The following KAT14 variants were observed in gnomAD, a reference collection of about 807,000 sequenced individuals.
The protein encoded by KAT14 is lysine acetyltransferase 14, also known as cysteine-rich protein 2-binding protein.
In KAT14, 66 loss-of-function variants were observed where a neutral mutation model predicts 78.4. The observed-to-expected ratio is 0.84, with a 90% CI of 0.69 to 1.03. The LOEUF is 1.03. Ranked by LOEUF, KAT14 falls within the 50% of genes least tolerant of loss-of-function variation. The probability of loss-of-function intolerance (pLI) is 0.00; values close to 1 mark genes in which losing one functional copy is unlikely to be tolerated. For missense variants in KAT14, 870 were observed against 972.5 expected (o/e 0.89, Z 1.40); for synonymous variants, 344 against 359.4 (o/e 0.96, Z 0.48).
intron 1 of KAT14, chr20:18,138,257 G>A: frequency 1.6e-6 from 2 of 1,234,564 alleles, no homozygotes; most frequent in Non-Finnish European, 2.0e-6. Flanking sequence ...GGCGTGTGCA[G>A]CCCGCAGATT....
chr20:18,168,539 A>AT (rs1313903323), intron 7 of KAT14, among the ~76,000 whole-genome samples: 6 of 151,720 alleles, frequency 4.0e-5, no homozygotes, highest in East Asian at 3.9e-4. Context: ...AAAAAAAAAA[A>AT]TTTTTTTTGT....
rs2038452721 is a variant in KAT14 at position 18,162,164 on chromosome 20, C to T, written c.1024C>T (p.His342Tyr). Reference protein sequence around the residue: ...DFSAPGTPASHSATPSLLSEA... With the variant: ...DFSAPGTPASYSATPSLLSEA... ...CTCTGCCCCTGGTACACCTGCCTCT[C>T]ATTCTGCCACACCTAGCTTGCTTTC... is the stretch of plus-strand genomic sequence containing the variant. The change falls in exon 6 of 11, where the codon CAT becomes TAT. Residue 342 changes from histidine to tyrosine, a missense_variant. Transcript: ENST00000688188. 6.2e-7 allele frequency: 1 copy of T among 1,614,136 alleles called. No individual in the cohort carries two copies. The highest frequency in any genetic ancestry group is 8.5e-7 in the Non-Finnish European group (1 of 1,180,062).
At chr20:18,181,395 G>GTC (rs1432456151) in intron 7 of KAT14, among the ~76,000 whole-genome samples, 1 of 131,208 alleles carries the variant, frequency 7.6e-6, no homozygotes, top group Non-Finnish European at 1.6e-5. Context: ...TTGAGACGGA[G>GTC]TCTCGCTCTA....
chr20:18,164,991 AT>A (rs1386420625), intron 7 of KAT14, among the ~76,000 whole-genome samples: 1 of 152,068 alleles, frequency 6.6e-6, no homozygotes. Context: ...AATTTTTTAA[AT>A]TGTAAGATGT....
intron 7 of KAT14, among the ~76,000 whole-genome samples, chr20:18,174,220 A>T (rs1412204276): frequency 6.6e-6 from 1 of 152,176 alleles, no homozygotes; most frequent in African/African-American, 2.4e-5. Context: ...TCATCAGTTG[A>T]TGGACTTTTG....
intron 2 of KAT14, among the ~76,000 whole-genome samples, chr20:18,144,143 A>G (rs2037726441): frequency 6.6e-6 from 1 of 152,262 alleles, no homozygotes; most frequent in Non-Finnish European, 1.5e-5. Flanking sequence ...TGGCATGTGG[A>G]AATGTTTTTC....
Position 18,137,994 on chromosome 20 carries a change from G to T in KAT14, c.-511G>T. 1 of 1,507,356 alleles carries T rather than the reference G, an allele frequency of 6.6e-7. No homozygotes were observed. Among genetic ancestry groups the T allele is most frequent in the East Asian group, 2.7e-5 (1 of 37,090 alleles). 93.4% of individuals were successfully genotyped at this position (1,507,356 alleles called of 1,614,324 possible). ...CGAAGGTGGTGCTGGGCCTCTCGGT[G>T]CTGCTGACGGCGGCCACAGTGGCCG... On this transcript the variant is annotated 5_prime_UTR_variant, in exon 1 of 11. Transcript: ENST00000688188.
intron 8 of KAT14, 117 bp from the exon 9 acceptor site, chr20:18,183,006 A>G: frequency 7.3e-7 from 1 of 1,375,346 alleles, no homozygotes; most frequent in Non-Finnish European, 9.7e-7. Flanking sequence ...CGTGTAAAAC[A>G]GTGCAGGTTA....
chr20:18,183,355 A>C, intron 9 of KAT14, 57 bp downstream of exon 9: 12 of 1,493,348 alleles, frequency 8.0e-6, no homozygotes, highest in Non-Finnish European at 8.0e-6. Context: ...CATTCTAGCA[A>C]TTTTTAAAAT....
At chr20:18,139,270 C>T (rs1011024175) in intron 1 of KAT14, among the ~76,000 whole-genome samples, 1 of 152,166 alleles carries the variant, frequency 6.6e-6, no homozygotes, top group Admixed American at 6.5e-5. Context: ...AGGCAGAAGA[C>T]TTCCGCCTCT....
chr20:18,156,340 A>G (rs1332238586), intron 4 of KAT14, among the ~76,000 whole-genome samples: 1 of 152,218 alleles, frequency 6.6e-6, no homozygotes, highest in Non-Finnish European at 1.5e-5. Context: ...ATATAAATGT[A>G]CTTAATACCA....
At chr20:18,155,215 C>T (rs1460023356) in intron 4 of KAT14, among the ~76,000 whole-genome samples, 3 of 152,126 alleles carry the variant, frequency 2.0e-5, no homozygotes, top group African/African-American at 4.8e-5. Flanking sequence ...AAAATTGTAA[C>T]CATTTCTCAT....
At chr20:18,148,554 T>C (rs1401712137) in intron 3 of KAT14, among the ~76,000 whole-genome samples, 1 of 152,128 alleles carries the variant, frequency 6.6e-6, no homozygotes, top group Non-Finnish European at 1.5e-5. Context: ...GCCTCATTAC[T>C]GATGAGCTTG....
chr20:18,187,688 G>C lies in KAT14; in HGVS notation c.*229G>C. The C allele has an allele frequency of 1.8e-6, 1 of 545,402 alleles. No homozygotes were observed. Among genetic ancestry groups the C allele is most frequent in the Admixed American group, 3.9e-5 (1 of 25,448 alleles). 33.8% of individuals were successfully genotyped at this position (545,402 alleles called of 1,614,324 possible). ...GGAGATGCCTTCAGCCAGCATCCCAGACTCCACAGTTATTTATGAATGATG... is the reference window on the plus strand; with the variant it reads ...GGAGATGCCTTCAGCCAGCATCCCACACTCCACAGTTATTTATGAATGATG... On this transcript the variant is annotated 3_prime_UTR_variant, in exon 11 of 11. Transcript: ENST00000688188.
chr20:18,164,219 G>A (rs556976404), intron 7 of KAT14, among the ~76,000 whole-genome samples: 5 of 152,230 alleles, frequency 3.3e-5, no homozygotes, highest in Non-Finnish European at 5.9e-5. Flanking sequence ...GAGCCAAGTC[G>A]GGAGGGCCCA....
At chr20:18,180,309 A>G (rs147135451) in intron 7 of KAT14, among the ~76,000 whole-genome samples, 4,858 of 152,280 alleles carry the variant, frequency 0.032, 128 homozygotes, top group Non-Finnish European at 0.045. Context: ...AGTAAGAGTC[A>G]CCTTTGCTCC....
chr20:18,158,036 C>T (rs1308164817), intron 4 of KAT14, among the ~76,000 whole-genome samples: 2 of 152,184 alleles, frequency 1.3e-5, no homozygotes, highest in Admixed American at 1.3e-4. Flanking sequence ...CTCTCGGGTT[C>T]AAAGATTCTC....
intron 7 of KAT14, among the ~76,000 whole-genome samples, chr20:18,169,460 G>A (rs752592699): frequency 6.6e-6 from 1 of 152,042 alleles, no homozygotes; most frequent in Non-Finnish European, 1.5e-5. Flanking sequence ...TATCTTTTAT[G>A]GTGGTCTGTG....
chr20:18,158,409 G>T (rs971865809), intron 4 of KAT14, among the ~76,000 whole-genome samples: 2 of 152,216 alleles, frequency 1.3e-5, no homozygotes, highest in Admixed American at 1.3e-4. Flanking sequence ...GGATTTCCGG[G>T]GATTGATGTA....
Sources: gnomAD v4.1 joint callset for allele counts (sites outside exome capture counted in the v4.1 genomes callset) on GRCh38, gnomAD v4.1.1 for gene constraint, MANE v1.5 for transcripts, NCBI Gene and HGNC (gene_info 2026-07-23, HGNC 2026-07-21) for gene names.